PGLYRP2: variants seen among roughly 807,000 people sequenced by gnomAD.
PGLYRP2 encodes the protein peptidoglycan recognition protein 2, also known as N-acetylmuramoyl-L-alanine amidase.
A neutral mutation model predicts 46.2 loss-of-function variants in PGLYRP2; 38 were observed. The observed-to-expected ratio is 0.82, with a 90% CI of 0.64 to 1.08. The LOEUF is 1.08. PGLYRP2 is among the 50% of genes least tolerant of loss of function. The pLI, the probability that PGLYRP2 is intolerant of heterozygous loss-of-function variation, is 0.00. For missense variants in PGLYRP2, 713 were observed against 755.9 expected (o/e 0.94, Z 0.67); for synonymous variants, 289 against 329.4 (o/e 0.88, Z 1.33).
At chr19:15,479,271 G>C in intron 1 of PGLYRP2, 40 bp downstream of exon 1, 1 of 1,608,058 alleles carries the variant, frequency 6.2e-7, no homozygotes, top group Non-Finnish European at 8.5e-7. Context: ...CTTCTGCAGA[G>C]CCAAGAGGTT....
At position 15,476,033 on chromosome 19, in the gene PGLYRP2, T is replaced by C; in HGVS notation, c.637A>G (p.Thr213Ala). The change falls in exon 2 of 5, where the codon ACC (threonine) becomes GCC (alanine). Residue 213 changes from threonine to alanine, a missense_variant. Transcript: ENST00000340880. ...LPDAKAKSPP[T>A]MVDSLLAVTL... ...ACTGCCAGGAGGCTGTCCACCATGG[T>C]CGGTGGGGACTTGGCTTTGGCATCT... is the stretch of plus-strand genomic sequence containing the variant. The C allele has an allele frequency of 6.2e-7, 1 of 1,614,146 alleles. No individual in the cohort carries two copies. The highest frequency in any genetic ancestry group is 8.5e-7 in the Non-Finnish European group (1 of 1,180,020).
At position 15,469,672 on chromosome 19, in the gene PGLYRP2, G is replaced by GCGT; in HGVS notation, c.1598_1600dup (p.Asp533dup). On this transcript the variant is annotated inframe_insertion, in exon 4 of 5. Coordinates refer to ENST00000340880, the MANE Select transcript of PGLYRP2 (RefSeq NM_052890.4). This position sits in a 1 kb window ranked among gnomAD's most constrained non-coding sequence, Gnocchi z 4.9. ...CCAGGTGCGCAGCAGGTCGAAGAGC[G>GCGT]CGTCGCCGGGGCAGTCGGTGCGCAC... The GCGT allele has an allele frequency of 6.5e-7, 1 of 1,546,344 alleles. No individual in the cohort carries two copies. Among genetic ancestry groups the GCGT allele is most frequent in the East Asian group, 2.3e-5 (1 of 43,338 alleles).
chr19:15,479,428 C>T lies in PGLYRP2; in HGVS notation c.-57G>A, dbSNP rs751645131. 1.8e-5 allele frequency: 28 copies of T among 1,548,640 alleles called. No homozygotes were observed. Among genetic ancestry groups the T allele is most frequent in the Middle Eastern group, 1.7e-4 (1 of 5,962 alleles). Reference sequence around the variant, plus strand: ...TCTGGTTGGCCTCGGCAGAGAACCTCGGCAGTGCTGGAGGGAGACAGGCAC... The same window carrying T: ...TCTGGTTGGCCTCGGCAGAGAACCTTGGCAGTGCTGGAGGGAGACAGGCAC... On this transcript the variant is annotated 5_prime_UTR_variant, in exon 1 of 5. Transcript: ENST00000340880.
At position 15,471,993 on chromosome 19, in the gene PGLYRP2, C is replaced by G. The variant is rs199954094; in HGVS notation, c.1240G>C (p.Val414Leu). The G allele has an allele frequency of 3.7e-6, 6 of 1,613,936 alleles. No individual in the cohort carries two copies. The East Asian group carries it at 1.3e-4, about 36-fold the overall frequency. The change falls in exon 3 of 5, where the codon GTG (valine) becomes CTG (leucine). Residue 414 changes from valine (V) to leucine (L), a missense_variant. Val to Leu is a conservative substitution (Grantham distance 32). Coordinates refer to ENST00000340880, the MANE Select transcript of PGLYRP2 (RefSeq NM_052890.4). ...AAGTCCGTGCAGGGTGGTGCAGGCA[C>G]GTAGGTGTGATGCACGTACAAGAAT... ...LGFLYVHHTYVPAPPCTDFTR... is the reference protein window; with the variant it reads ...LGFLYVHHTYLPAPPCTDFTR...
At chr19:15,471,784 C>G in intron 3 of PGLYRP2, 106 bp downstream of exon 3, 1 of 1,322,372 alleles carries the variant, frequency 7.6e-7, no homozygotes, top group Non-Finnish European at 1.0e-6. Context: ...CTTGGTCTTG[C>G]CAGCTTTCCT....
At chr19:15,473,964 A>AACATC (rs1367984265) in intron 2 of PGLYRP2, among the ~76,000 whole-genome samples, 1 of 152,234 alleles carries the variant, frequency 6.6e-6, no homozygotes, top group Non-Finnish European at 1.5e-5. Context: ...AAACATGCTC[A>AACATC]ACATCACCAA....
intron 1 of PGLYRP2, among the ~76,000 whole-genome samples, chr19:15,476,975 G>C (rs145426521): frequency 1.3e-5 from 2 of 152,316 alleles, no homozygotes; most frequent in Non-Finnish European, 2.9e-5. Context: ...GTGGCAGAAG[G>C]TAGGTAGTGA....
intron 1 of PGLYRP2, among the ~76,000 whole-genome samples, chr19:15,478,493 G>GGTACCCTGGCCTATATA (rs1970817646): frequency 6.6e-6 from 1 of 152,180 alleles, no homozygotes; most frequent in Admixed American, 6.5e-5. Context: ...CTCAGTTTCA[G>GGTACCCTGGCCTATATA]GTACCCTGGC....
At position 15,476,293 on chromosome 19, in the gene PGLYRP2, G is replaced by A. The variant is rs147463355; in HGVS notation, c.377C>T (p.Ala126Val). The change falls in exon 2 of 5, where the codon GCG (alanine) becomes GTG (valine). Residue 126 changes from alanine (A) to valine (V), a missense_variant. By Grantham distance (64) the Ala-to-Val change is moderately conservative (BLOSUM62 0). Transcript: ENST00000340880. ...GSTVAVEPLL[A>V]GLEAGLQGRR... ...CCCTTGCAGCCCTGCCTCCAGCCCC[G>A]CCAGCAGAGGCTCCACAGCCACGGT... 6.9e-4 allele frequency: 1,108 copies of A among 1,614,048 alleles called. 15 individuals carry two copies. The South Asian group carries it at 8.1e-3, about 12-fold the overall frequency.
chr19:15,469,232 G>C lies in PGLYRP2; in HGVS notation c.1641+400C>G, dbSNP rs779560723. On this transcript the variant is annotated intron_variant, in intron 4 of 4. Transcript: ENST00000340880. This position sits in a 1 kb window ranked among gnomAD's most constrained non-coding sequence, Gnocchi z 4.9. ...GGCAGGGGTGAGGTCAAGGTTCGGC[G>C]GGCCAGGATGAGGTGGTGCAGCCTG... 5.0e-6 allele frequency: 3 copies of C among 596,052 alleles called. No homozygotes were observed. The highest frequency in any genetic ancestry group is 1.9e-5 in the African/African-American group (1 of 53,604). 36.9% of individuals were successfully genotyped at this position (596,052 alleles called of 1,614,324 possible).
At chr19:15,472,122 G>A in intron 2 of PGLYRP2, 22 bp from the exon 3 acceptor site, 1 of 1,586,282 alleles carries the variant, frequency 6.3e-7, no homozygotes, top group Non-Finnish European at 8.5e-7. Context: ...GGGGTTGAAG[G>A]CTGGGGTCAG....
intron 2 of PGLYRP2, among the ~76,000 whole-genome samples, chr19:15,472,597 A>C (rs185279152): frequency 0.015 from 2,231 of 148,044 alleles, 36 homozygotes; most frequent in Admixed American, 0.049. Flanking sequence ...TGTCCCCCCC[A>C]AAAAAAAATT....
rs757090635 is a variant in PGLYRP2, at chr19:15,479,325, G to C, written c.47C>G (p.Ser16Ter). ...LWILLGLLLWSDPGTASLPLL... is the reference protein window; with the variant it reads ...LWILLGLLLW ...CCCTGACTCACCTGTCCCTGGGTCT[G>C]ACCACAGTAGCAATCCGAGTAGGAT... Residue 16 changes from serine to a stop codon, truncating the protein, a stop_gained, in exon 1 of 5, where the codon TCA (serine) becomes TGA (stop). Coordinates refer to ENST00000340880, the MANE Select transcript of PGLYRP2 (RefSeq NM_052890.4). LOFTEE classifies it high-confidence loss of function. 2 of 1,614,056 alleles carry C rather than the reference G, an allele frequency of 1.2e-6. No homozygotes were observed. The highest frequency in any genetic ancestry group is 1.7e-6 in the Non-Finnish European group (2 of 1,179,974).
rs116515515 is a variant in PGLYRP2 at position 15,478,947 on chromosome 19, C to T, written c.61+364G>A. Reference sequence around the variant, plus strand: ...AATCCAGGAAGTCTTACTCGACACACTCTCCTGGTCTAGAATCTAGGTTCT... The same window carrying T: ...AATCCAGGAAGTCTTACTCGACACATTCTCCTGGTCTAGAATCTAGGTTCT... On this transcript the variant is annotated intron_variant, in intron 1 of 4. Coordinates refer to ENST00000340880, the MANE Select transcript of PGLYRP2 (RefSeq NM_052890.4). 3.7e-3 allele frequency among the ~76,000 whole-genome samples: 570 copies of T among 152,238 alleles called. 6 individuals are homozygous for T. Among genetic ancestry groups the T allele is most frequent in the African/African-American group, 0.013 (536 of 41,556 alleles).
At position 15,469,888 on chromosome 19, in the gene PGLYRP2, C is replaced by A; in HGVS notation, c.1385G>T (p.Gly462Val). Residue 462 changes from glycine (G) to valine (V), a missense_variant, in exon 4 of 5, where the codon GGC becomes GTC. Gly to Val is a moderately radical substitution (Grantham distance 109). Transcript: ENST00000340880. The surrounding 1 kb of genome is among the most constrained non-coding windows in gnomAD (Gnocchi z 4.9). ...GSDGYVYEGR[G>V]WHWVGAHTLG... ...CGTGTGGGCGCCCACCCAGTGCCAG[C>A]CGCGTCCCTCGTACACGTAGCCGTC... The A allele has an allele frequency of 6.8e-7, 1 of 1,476,860 alleles. No individual in the cohort carries two copies. The highest frequency in any genetic ancestry group is 1.4e-5 in the South Asian group (1 of 73,116). 91.5% of individuals were successfully genotyped at this position (1,476,860 alleles called of 1,614,324 possible). A position where few individuals can be genotyped will look rare whatever the true frequency, so the allele number is the denominator to read the frequency against.
chr19:15,469,053 G>T lies in PGLYRP2; in HGVS notation c.1642-301C>A. On this transcript the variant is annotated intron_variant, in intron 4 of 4. Transcript: ENST00000340880. This position sits in a 1 kb window ranked among gnomAD's most constrained non-coding sequence, Gnocchi z 4.9. ...TGTGCTGGCATAAGAGTTGTCATCA[G>T]GGGTTAAGGAGTCAGGGACGAAACA... 1 of 513,388 alleles carries T rather than the reference G, an allele frequency of 1.9e-6. No individual in the cohort carries two copies. 31.8% of individuals were successfully genotyped at this position (513,388 alleles called of 1,614,324 possible).
Position 15,475,747 on chromosome 19 carries a change from A to G in PGLYRP2, c.923T>C (p.Val308Ala), listed in dbSNP as rs1484432400. The change falls in exon 2 of 5, where the codon GTG becomes GCG. Residue 308 changes from valine (V) to alanine (A), a missense_variant. By Grantham distance (64) the Val-to-Ala change is moderately conservative. Transcript: ENST00000340880. ...GCTGCGGAACCCTGGGTCTCTGGCC[A>G]CCCCAGCCCCATAGTACTGGCTCAG... ...HLLSQYYGAG[V>A]ARDPGFRSNF... 1 of 1,613,886 alleles carries G rather than the reference A, an allele frequency of 6.2e-7. No individual in the cohort carries two copies. Among genetic ancestry groups the G allele is most frequent in the South Asian group, 1.1e-5 (1 of 91,072 alleles).
Position 15,474,848 on chromosome 19 carries a change from A to T in PGLYRP2, c.1132+690T>A, listed in dbSNP as rs191634596. ...TAAAAATACAAAAAATTACCCAGAC[A>T]TGGTGGCACATGCCTGTAGTCCCAG... On this transcript the variant is annotated intron_variant, in intron 2 of 4. Transcript: ENST00000340880. Among the ~76,000 whole-genome samples the T allele has an allele frequency of 3.3e-5, 5 of 152,158 alleles. No individual in the cohort carries two copies. In the East Asian group the frequency reaches 9.7e-4, roughly 29 times the overall value.
chr19:15,477,848 C>T (rs1308941136), intron 1 of PGLYRP2, among the ~76,000 whole-genome samples: 1 of 152,032 alleles, frequency 6.6e-6, no homozygotes, highest in Non-Finnish European at 1.5e-5. Flanking sequence ...AAGTTAGGCT[C>T]AGAGCTGGTT....
Sources: gnomAD v4.1 joint callset for allele counts (sites outside exome capture counted in the v4.1 genomes callset) on GRCh38, gnomAD v4.1.1 for gene constraint, Gnocchi (gnomAD v3.1) non-coding constraint, MANE v1.5 for transcripts, NCBI Gene and HGNC (gene_info 2026-07-23, HGNC 2026-07-21) for gene names.